The following TOP2B variants were observed in gnomAD, a reference collection of about 807,000 sequenced individuals.
The protein encoded by TOP2B is DNA topoisomerase II beta.
TOP2B carries 51 observed loss-of-function variants against 193.5 expected under a neutral mutation model. The observed-to-expected ratio is 0.26, with a 90% CI of 0.21 to 0.33. The LOEUF (loss-of-function observed/expected upper bound fraction) is 0.33. TOP2B is among the 10% of genes least tolerant of loss of function. TOP2B has a pLI of 1.00. For synonymous variants in TOP2B, 634 were observed against 635.7 expected (o/e 1.00, Z 0.04); for missense variants, 1,378 against 1,909.3 (o/e 0.72, Z 5.19).
Position 25,643,518 on chromosome 3 carries a change from G to C in TOP2B, c.331+176C>G, listed in dbSNP as rs558013589. ...GAAAATGAAACAAAGATGAAACAGA[G>C]ATATGAAAACATTACAGATCATGGT... is the stretch of plus-strand genomic sequence containing the variant. On this transcript the variant is annotated intron_variant, in intron 3 of 35. Coordinates refer to ENST00000264331, the MANE Select transcript of TOP2B (RefSeq NM_001330700.2). 6.6e-5 allele frequency among the ~76,000 whole-genome samples: 10 copies of C among 152,182 alleles called. No homozygotes were observed. The South Asian group carries it at 2.1e-3, about 32-fold the overall frequency.
chr3:25,640,125 C>T (rs1378257828), intron 4 of TOP2B, among the ~76,000 whole-genome samples: 1 of 152,096 alleles, frequency 6.6e-6, no homozygotes, highest in Non-Finnish European at 1.5e-5. Flanking sequence ...GCAAAAATTG[C>T]ACCTCTGAAA....
chr3:25,622,203 A>AGTGGT (rs1303012014), intron 21 of TOP2B, among the ~76,000 whole-genome samples: 2 of 152,214 alleles, frequency 1.3e-5, no homozygotes, highest in Admixed American at 6.5e-5. Flanking sequence ...TAGGCACATA[A>AGTGGT]GAACCATGTA....
At chr3:25,626,725 A>G in intron 17 of TOP2B, 47 bp downstream of exon 17, 1 of 1,532,422 alleles carries the variant, frequency 6.5e-7, no homozygotes, top group South Asian at 1.2e-5. Context: ...CATGAATTCT[A>G]GTCTCTCTCT....
intron 21 of TOP2B, among the ~76,000 whole-genome samples, chr3:25,621,818 G>A (rs953363094): frequency 2.6e-5 from 4 of 151,874 alleles, no homozygotes; most frequent in East Asian, 3.9e-4. Flanking sequence ...GTGAAACCCC[G>A]TCTCTACTAA....
intron 18 of TOP2B, 92 bp downstream of exon 18, chr3:25,626,468 A>C (rs1447137694): frequency 2.9e-6 from 2 of 678,304 alleles, no homozygotes; most frequent in African/African-American, 3.8e-5. Context: ...TAAAGTAAGA[A>C]TTTTAATATG....
At chr3:25,644,831 G>A (rs1703368944) in intron 2 of TOP2B, among the ~76,000 whole-genome samples, 1 of 151,756 alleles carries the variant, frequency 6.6e-6, no homozygotes, top group South Asian at 2.1e-4. Context: ...GTCTCGCCCT[G>A]TCGCCCAGGC....
At chr3:25,652,647 G>A (rs1015104073) in intron 1 of TOP2B, among the ~76,000 whole-genome samples, 3 of 151,996 alleles carry the variant, frequency 2.0e-5, no homozygotes, top group African/African-American at 4.8e-5. Context: ...AAACACAATA[G>A]AGCAATATTT....
intron 2 of TOP2B, among the ~76,000 whole-genome samples, chr3:25,644,133 G>C (rs1703345904): frequency 1.3e-5 from 2 of 150,488 alleles, no homozygotes; most frequent in African/African-American, 2.4e-5. Flanking sequence ...AGGGAGCAGA[G>C]TAAAATAATA....
intron 11 of TOP2B, 53 bp from the exon 12 acceptor site, chr3:25,630,522 T>A (rs1426504141): frequency 7.2e-7 from 1 of 1,393,080 alleles, no homozygotes; most frequent in African/African-American, 1.5e-5. Flanking sequence ...CTTTCACTGA[T>A]GAGAAAAATG....
At chr3:25,664,183 G>C (rs564231848) in intron 1 of TOP2B, 46 bp downstream of exon 1, 2 of 1,527,874 alleles carry the variant, frequency 1.3e-6, no homozygotes, top group South Asian at 1.2e-5. Flanking sequence ...CCCCCGCCGC[G>C]GGCCCGGAAC....
At chr3:25,613,246 T>A (rs966056862) in intron 27 of TOP2B, among the ~76,000 whole-genome samples, 5 of 152,338 alleles carry the variant, frequency 3.3e-5, no homozygotes, top group African/African-American at 1.2e-4. Flanking sequence ...ATGATTAATA[T>A]CCTAGATTTT....
chr3:25,644,760 T>C (rs1703366427), intron 2 of TOP2B, among the ~76,000 whole-genome samples: 1 of 151,858 alleles, frequency 6.6e-6, no homozygotes, highest in South Asian at 2.1e-4. Flanking sequence ...AAAAAGTTCG[T>C]ATGGCACCAT....
Position 25,618,319 on chromosome 3 carries a change from T to C in TOP2B, c.3351+99A>G, listed in dbSNP as rs140907267. 6.1e-5 allele frequency: 48 copies of C among 785,264 alleles called. No homozygotes were observed. The African/African-American group carries it at 6.6e-4, about 11-fold the overall frequency. The allele number at this position is 785,264 out of a possible 1,614,324, so 48.6% of individuals were successfully genotyped here. ...TCTCTAAATAGACAACTCAGCACCT[T>C]TAGTAGTACTAAATTTAAAATTTAG... On this transcript the variant is annotated intron_variant, in intron 25 of 35. Transcript: ENST00000264331.
chr3:25,661,532 T>C (rs942962565), intron 1 of TOP2B, among the ~76,000 whole-genome samples: 4 of 152,208 alleles, frequency 2.6e-5, no homozygotes, highest in Non-Finnish European at 5.9e-5. Context: ...ACTATTACTA[T>C]CTACTAATCA....
chr3:25,629,349 TA>T (rs1702893980), intron 13 of TOP2B, among the ~76,000 whole-genome samples: 1 of 152,136 alleles, frequency 6.6e-6, no homozygotes, highest in South Asian at 2.1e-4. Context: ...TCTGTCATTA[TA>T]AAAATATATT....
chr3:25,610,145 G>T (rs1203967452), intron 28 of TOP2B, among the ~76,000 whole-genome samples: 1 of 151,326 alleles, frequency 6.6e-6, no homozygotes. Flanking sequence ...AGATTGCGGT[G>T]AGCCTCTGGC....
At chr3:25,612,489 T>C (rs777634284) in intron 28 of TOP2B, 26 bp downstream of exon 28, 12 of 1,531,554 alleles carry the variant, frequency 7.8e-6, no homozygotes, top group Non-Finnish European at 9.7e-6. Context: ...GAAATGAGTC[T>C]ATCAATGACA....
intron 31 of TOP2B, 104 bp from the exon 32 acceptor site, chr3:25,606,226 CAA>C (rs1259896829): frequency 1.8e-6 from 1 of 559,574 alleles, no homozygotes; most frequent in East Asian, 3.2e-5. Flanking sequence ...AATCACAGAA[CAA>C]AACTTTAGTT....
intron 4 of TOP2B, among the ~76,000 whole-genome samples, chr3:25,640,930 T>C (rs1242943753): frequency 6.6e-6 from 1 of 151,846 alleles, no homozygotes; most frequent in African/African-American, 2.4e-5. Context: ...CAGATAATTT[T>C]GGTGTTTTTG....
Sources: gnomAD v4.1 joint callset for allele counts (sites outside exome capture counted in the v4.1 genomes callset) on GRCh38, gnomAD v4.1.1 for gene constraint, MANE v1.5 for transcripts, NCBI Gene and HGNC (gene_info 2026-07-23, HGNC 2026-07-21) for gene names.